KIF5C: variants seen among roughly 807,000 people sequenced by gnomAD.
KIF5C encodes the protein kinesin family member 5C, also known as kinesin heavy chain isoform 5C.
A neutral mutation model predicts 125.2 loss-of-function variants in KIF5C; 18 were observed. The observed-to-expected ratio is 0.14, with a 90% CI of 0.10 to 0.21. KIF5C has a LOEUF of 0.21. Among genes scored for constraint, KIF5C ranks in the 10% least tolerant of loss-of-function variants. The pLI is 1.00. For missense variants in KIF5C, 780 were observed against 1,183.8 expected (o/e 0.66, Z 5.01); for synonymous variants, 405 against 434.0 (o/e 0.93, Z 0.83).
chr2:148,898,552 C>A (rs1680753512), intron 1 of KIF5C, among the ~76,000 whole-genome samples: 1 of 152,122 alleles, frequency 6.6e-6, no homozygotes, highest in South Asian at 2.1e-4. Flanking sequence ...AAGAAGGAAG[C>A]AGAAAAGTTG....
intron 17 of KIF5C, among the ~76,000 whole-genome samples, chr2:148,996,827 T>A (rs1681688084): frequency 6.6e-6 from 1 of 152,144 alleles, no homozygotes; most frequent in African/African-American, 2.4e-5. Context: ...AATTAGGTCT[T>A]CCTAGAACTC....
At chr2:148,959,052 A>G (rs1682865246) in intron 10 of KIF5C, among the ~76,000 whole-genome samples, 1 of 151,474 alleles carries the variant, frequency 6.6e-6, no homozygotes, top group African/African-American at 2.4e-5. Context: ...TGGAAGCTTT[A>G]TTGTTTTACT....
rs1286225555 is a variant in KIF5C at position 148,997,246 on chromosome 2, A to G, written c.2024-18A>G. The G allele has an allele frequency of 1.2e-6, 2 of 1,607,698 alleles. No homozygotes were observed. The highest frequency in any genetic ancestry group is 1.7e-6 in the Non-Finnish European group (2 of 1,174,756). On this transcript the variant is annotated intron_variant, in intron 17 of 25. Coordinates refer to ENST00000435030, the MANE Select transcript of KIF5C (RefSeq NM_004522.3). ...CCCACCAGTTAAGTCTTAAATCATC[A>G]TTTAAAATTCAAAACAGAAAAAATG...
intron 1 of KIF5C, among the ~76,000 whole-genome samples, chr2:148,893,783 C>T (rs1681768262): frequency 6.6e-6 from 1 of 152,216 alleles, no homozygotes; most frequent in Non-Finnish European, 1.5e-5. Flanking sequence ...GTGGCACTTA[C>T]ATTCTCATTT....
chr2:148,879,070 G>C (rs1297714669), intron 1 of KIF5C: 1 of 152,100 alleles, frequency 6.6e-6, no homozygotes, highest in Non-Finnish European at 1.5e-5. Context: ...TTTCAGCTTT[G>C]TGCAAAGCTG....
intron 8 of KIF5C, among the ~76,000 whole-genome samples, chr2:148,948,381 G>C (rs1682576189): frequency 6.6e-6 from 1 of 151,492 alleles, no homozygotes; most frequent in African/African-American, 2.4e-5. Flanking sequence ...AAATTTACTA[G>C]TACGGGCTTG....
At chr2:148,950,493 G>A (rs1350092111) in intron 10 of KIF5C, 31 bp downstream of exon 10, 3 of 1,603,412 alleles carry the variant, frequency 1.9e-6, no homozygotes, top group Non-Finnish European at 2.6e-6. Flanking sequence ...CCCATCCTCT[G>A]TGCTAGGTCT....
At chr2:148,931,913 G>A (rs1682193920) in intron 3 of KIF5C, among the ~76,000 whole-genome samples, 1 of 152,196 alleles carries the variant, frequency 6.6e-6, no homozygotes, top group Non-Finnish European at 1.5e-5. Flanking sequence ...CCTTTATTGT[G>A]ACTTTTGCAG....
rs200075485 is a variant in KIF5C at position 149,012,229 on chromosome 2, TG to T, written c.*7+547del. ...TGCAAGCTTCTCTACCCACAACCCA[TG>T]TGCACGACATTTCTCTCCCAGCAAA... On this transcript the variant is annotated intron_variant, in intron 25 of 25. Coordinates refer to ENST00000435030, the MANE Select transcript of KIF5C (RefSeq NM_004522.3). 8.9e-3 allele frequency among the ~76,000 whole-genome samples: 1,354 copies of T among 152,320 alleles called. 17 individuals are homozygous for T. Among genetic ancestry groups the T allele is most frequent in the African/African-American group, 0.03 (1,263 of 41,572 alleles).
chr2:148,975,147 C>A (rs111862743), intron 12 of KIF5C, among the ~76,000 whole-genome samples: 4 of 152,166 alleles, frequency 2.6e-5, no homozygotes, highest in African/African-American at 9.7e-5. Context: ...TTTGTGGTCC[C>A]TCACATGATG....
intron 11 of KIF5C, among the ~76,000 whole-genome samples, chr2:148,964,941 T>C (rs73009518): frequency 0.016 from 2,448 of 151,994 alleles, 70 homozygotes; most frequent in African/African-American, 0.056. Context: ...GATGAGATGA[T>C]GGTATTGAAG....
At chr2:149,011,215 G>A (rs1473267475) in intron 24 of KIF5C, among the ~76,000 whole-genome samples, 1 of 152,156 alleles carries the variant, frequency 6.6e-6, no homozygotes, top group East Asian at 1.9e-4. Flanking sequence ...AGCATCACAG[G>A]CAGAATTCTG....
Position 148,952,803 on chromosome 2 carries a change from A to G in KIF5C, c.968+2341A>G, listed in dbSNP as rs575454268. On this transcript the variant is annotated intron_variant, in intron 10 of 25. Coordinates refer to ENST00000435030, the MANE Select transcript of KIF5C (RefSeq NM_004522.3). ...CACAAGGGCTGGCATGAGTCCAGGT[A>G]AAAAAGTCCGTGACCGATGGCAGGC... 2.6e-5 allele frequency among the ~76,000 whole-genome samples: 4 copies of G among 152,288 alleles called. No individual in the cohort carries two copies. The South Asian group carries it at 8.3e-4, about 32-fold the overall frequency.
intron 25 of KIF5C, among the ~76,000 whole-genome samples, chr2:149,011,934 A>G (rs1478302234): frequency 6.6e-6 from 1 of 152,196 alleles, no homozygotes; most frequent in African/African-American, 2.4e-5. Context: ...CTCCAGGGGT[A>G]GGGGTGGTGA....
At chr2:148,895,856 ACACACACACACACACACACC>A (rs1372428861) in intron 1 of KIF5C, among the ~76,000 whole-genome samples, 1 of 26,542 alleles carries the variant, frequency 3.8e-5, no homozygotes, top group Non-Finnish European at 1.5e-4. Context: ...ACACACACAC[ACACACACACACACACACACC>A]CACAGAGATC....
At chr2:148,884,845 G>GTC (rs1681466776) in intron 1 of KIF5C, among the ~76,000 whole-genome samples, 1 of 152,158 alleles carries the variant, frequency 6.6e-6, no homozygotes, top group Non-Finnish European at 1.5e-5. Context: ...GAAACAAGAG[G>GTC]AGCCTTTTGC....
chr2:148,926,590 C>T (rs1398904933), intron 2 of KIF5C, among the ~76,000 whole-genome samples: 1 of 152,208 alleles, frequency 6.6e-6, no homozygotes, highest in African/African-American at 2.4e-5. Flanking sequence ...CCTGCTACGG[C>T]TCCCCCTCTG....
Position 149,010,205 on chromosome 2 carries a change from A to G in KIF5C, c.2621A>G (p.Glu874Gly). The change falls in exon 24 of 26, where the codon GAG becomes GGG. Residue 874 changes from glutamate (E) to glycine (G), a missense_variant. This residue lies in a region of KIF5C where 573 missense variants were observed against 742.6 expected (regional missense o/e 0.77). Transcript: ENST00000435030. Reference protein sequence around the residue: ...KLEKRLRATAERVKALESALK... With the variant: ...KLEKRLRATAGRVKALESALK... ...GAGAAGCGGCTGCGTGCCACGGCGGAGCGCGTCAAGGCTCTGGAGAGCGCG... is the reference window on the plus strand; with the variant it reads ...GAGAAGCGGCTGCGTGCCACGGCGGGGCGCGTCAAGGCTCTGGAGAGCGCG... 1.3e-6 allele frequency: 2 copies of G among 1,559,192 alleles called. No homozygotes were observed. Among genetic ancestry groups the G allele is most frequent in the African/African-American group, 1.4e-5 (1 of 73,406 alleles).
At chr2:148,992,184 T>A (rs1681545917) in intron 16 of KIF5C, among the ~76,000 whole-genome samples, 1 of 152,212 alleles carries the variant, frequency 6.6e-6, no homozygotes, top group Admixed American at 6.5e-5. Flanking sequence ...CTGTCTAAAA[T>A]GGATCCACAA....
Sources: allele counts gnomAD v4.1 joint callset (sites outside exome capture counted in the v4.1 genomes callset), GRCh38; gene constraint gnomAD v4.1.1; regional missense constraint gnomAD v4.1.1; transcripts MANE v1.5; gene names NCBI Gene and HGNC (gene_info 2026-07-23, HGNC 2026-07-21).